Variants in BACH1 observed in about 807,000 individuals in gnomAD.
The protein encoded by BACH1 is BTB domain and CNC homolog 1.
Under a neutral mutation model 52.9 loss-of-function variants are expected in BACH1, and 35 were observed. The observed-to-expected ratio is 0.66, with a 90% CI of 0.51 to 0.88. The LOEUF is 0.88. BACH1 is among the 40% of genes least tolerant of loss of function. The pLI is 0.00. For synonymous variants in BACH1, 321 were observed against 319.6 expected, an observed-to-expected ratio of 1.00 and a Z score of -0.05; for missense variants, 808 against 872.6, an observed-to-expected ratio of 0.93 and a Z score of 0.93.
At chr21:29,300,302 T>C (rs1024041400) in intron 1 of BACH1, 5 of 152,230 alleles carry the variant, frequency 3.3e-5, no homozygotes, top group African/African-American at 4.8e-5. Flanking sequence ...GATGACTCTC[T>C]AAAAAGTTGG....
At chr21:29,316,968 G>A (rs929778424) in intron 1 of BACH1, among the ~76,000 whole-genome samples, 1 of 152,204 alleles carries the variant, frequency 6.6e-6, no homozygotes. Flanking sequence ...GTGTTTGGAA[G>A]AAGATCTAGA....
rs779724096 is a variant in BACH1, at chr21:29,327,119, G to A, written c.1295G>A (p.Arg432Gln). ...KDGSEQISQK[R>Q]SECPWLGIRI... ...GGCTCAGAACAGATCTCACAGAAACGGTCTGAGTGTCCGTGGTTAGGTATC... is the reference window on the plus strand; with the variant it reads ...GGCTCAGAACAGATCTCACAGAAACAGTCTGAGTGTCCGTGGTTAGGTATC... Residue 432 changes from arginine to glutamine, a missense_variant, in exon 3 of 5, where the codon CGG (arginine) becomes CAG (glutamine). Coordinates refer to ENST00000286800, the MANE Select transcript of BACH1 (RefSeq NM_001186.4). 6.2e-6 allele frequency: 10 copies of A among 1,614,094 alleles called. No homozygotes were observed. The highest frequency in any genetic ancestry group is 2.2e-5 in the South Asian group (2 of 91,084).
chr21:29,327,783 T>C (rs1045758430), intron 3 of BACH1, among the ~76,000 whole-genome samples: 2 of 152,174 alleles, frequency 1.3e-5, no homozygotes, highest in East Asian at 1.9e-4. Flanking sequence ...TTTGCACCAC[T>C]GCACTCCAGC....
chr21:29,321,193 A>G (rs928011753), intron 1 of BACH1, 28 bp from the exon 2 acceptor site: 3 of 1,101,560 alleles, frequency 2.7e-6, no homozygotes, highest in Non-Finnish European at 4.1e-6. Context: ...GATGTTATTT[A>G]AGTGAAATCT....
At chr21:29,358,770 A>AAAGAAAGAAAGAAAGAAAG (rs768723075) in intron 2 of BACH1, among the ~76,000 whole-genome samples, 1 of 108,890 alleles carries the variant, frequency 9.2e-6, no homozygotes, top group African/African-American at 3.3e-5. Context: ...AAAAGAAAAG[A>AAAGAAAGAAAGAAAGAAAG]AAAGAAAGAA....
At chr21:29,336,124 A>T (rs1162728749) in intron 4 of BACH1, among the ~76,000 whole-genome samples, 1 of 152,178 alleles carries the variant, frequency 6.6e-6, no homozygotes, top group East Asian at 1.9e-4. Context: ...GCATTTGATT[A>T]AACCTGTTTA....
Position 29,342,630 on chromosome 21 carries a change from T to C in BACH1, c.2008T>C (p.Phe670Leu). Residue 670 changes from phenylalanine to leucine, a missense_variant, in exon 5 of 5, where the codon TTC (phenylalanine) becomes CTC (leucine). Phe to Leu is a conservative substitution (Grantham distance 22, BLOSUM62 0). Coordinates refer to ENST00000286800, the MANE Select transcript of BACH1 (RefSeq NM_001186.4). Reference sequence around the variant, plus strand: ...TGGTGAACTGGCGTTACCATCAATTTTCAGTTTATCTGACCGGCCTCCAGC... The same window carrying C: ...TGGTGAACTGGCGTTACCATCAATTCTCAGTTTATCTGACCGGCCTCCAGC... ...PDGELALPSIFSLSDRPPAVL... is the reference protein window; with the variant it reads ...PDGELALPSILSLSDRPPAVL... 6.2e-7 allele frequency: 1 copy of C among 1,614,168 alleles called. No individual in the cohort carries two copies. The highest frequency in any genetic ancestry group is 8.5e-7 in the Non-Finnish European group (1 of 1,180,028).
At chr21:29,305,876 A>G (rs772379038) in intron 1 of BACH1, among the ~76,000 whole-genome samples, 7 of 152,230 alleles carry the variant, frequency 4.6e-5, no homozygotes, top group Non-Finnish European at 8.8e-5. Context: ...AGGCTTTTAT[A>G]AGCCAGGAAC....
chr21:29,324,472 A>C (rs1294387568), intron 2 of BACH1, among the ~76,000 whole-genome samples: 1 of 151,532 alleles, frequency 6.6e-6, no homozygotes, highest in East Asian at 1.9e-4. Flanking sequence ...ATGTTGTTTG[A>C]CTTAGCTGAG....
At chr21:29,341,017 G>A (rs751370843) in intron 4 of BACH1, among the ~76,000 whole-genome samples, 17 of 149,784 alleles carry the variant, frequency 1.1e-4, no homozygotes, top group Non-Finnish European at 1.6e-4. Flanking sequence ...TGAACAGATT[G>A]GAGAATACTT....
At chr21:29,307,887 G>A (rs1387815115) in intron 1 of BACH1, among the ~76,000 whole-genome samples, 3 of 152,204 alleles carry the variant, frequency 2.0e-5, no homozygotes, top group Non-Finnish European at 1.5e-5. Context: ...AAACACTTGA[G>A]TGTTGTAAAT....
chr21:29,328,043 C>G (rs538174332), intron 3 of BACH1, among the ~76,000 whole-genome samples: 97 of 152,306 alleles, frequency 6.4e-4, no homozygotes, highest in African/African-American at 2.3e-3. Flanking sequence ...TGGAAAAATG[C>G]AGCATATATT....
chr21:29,316,584 A>G (rs1445580871), intron 1 of BACH1, among the ~76,000 whole-genome samples: 1 of 152,212 alleles, frequency 6.6e-6, no homozygotes. Context: ...GATGGATGTT[A>G]GAGGACATGA....
At chr21:29,304,708 G>A (rs766489662) in intron 1 of BACH1, among the ~76,000 whole-genome samples, 91 of 152,012 alleles carry the variant, frequency 6.0e-4, no homozygotes, top group Non-Finnish European at 1.2e-3. Flanking sequence ...TCTGCCTCCA[G>A]GACCCTAGGG....
At chr21:29,322,938 C>G in intron 2 of BACH1, among the ~76,000 whole-genome samples, 1 of 152,150 alleles carries the variant, frequency 6.6e-6, no homozygotes, top group Admixed American at 6.5e-5. Context: ...TTGAATGAGA[C>G]TTTACAAGTA....
At chr21:29,323,656 GAC>G (rs2123440760) in intron 2 of BACH1, among the ~76,000 whole-genome samples, 1 of 152,154 alleles carries the variant, frequency 6.6e-6, no homozygotes, top group Admixed American at 6.5e-5. Flanking sequence ...CGCCCTCACT[GAC>G]ACACCCAGAA....
At chr21:29,322,749 C>T (rs541543718) in intron 2 of BACH1, among the ~76,000 whole-genome samples, 1 of 152,302 alleles carries the variant, frequency 6.6e-6, no homozygotes, top group African/African-American at 2.4e-5. Flanking sequence ...TTCTGTGAAA[C>T]TGCAGCTACG....
At chr21:29,352,546 T>C (rs527393950) in intron 2 of BACH1, 1 of 152,276 alleles carries the variant, frequency 6.6e-6, no homozygotes, top group Admixed American at 6.5e-5. Context: ...TTCACCGCAT[T>C]GAATGCCTTC....
Position 29,321,479 on chromosome 21 carries a change from G to GCTGATGGAGAGCTGAACATTA in BACH1, c.202_222dup (p.Asp68_Thr74dup), listed in dbSNP as rs2088847540. Reference sequence around the variant, plus strand: ...CTTCCACTCAAGAATCGTAGGCCAGGCTGATGGAGAGCTGAACATTACTCT... The same window carrying GCTGATGGAGAGCTGAACATTA: ...CTTCCACTCAAGAATCGTAGGCCAGGCTGATGGAGAGCTGAACATTACTGATGGAGAGCTGAACATTACTCT... On this transcript the variant is annotated inframe_insertion, in exon 2 of 5. Coordinates refer to ENST00000286800, the MANE Select transcript of BACH1 (RefSeq NM_001186.4). The GCTGATGGAGAGCTGAACATTA allele has an allele frequency of 2.5e-6, 4 of 1,614,068 alleles. No homozygotes were observed. Among genetic ancestry groups the GCTGATGGAGAGCTGAACATTA allele is most frequent in the Non-Finnish European group, 3.4e-6 (4 of 1,180,028 alleles).
Sources: allele counts gnomAD v4.1 joint callset (sites outside exome capture counted in the v4.1 genomes callset), GRCh38; gene constraint gnomAD v4.1.1; transcripts MANE v1.5; gene names NCBI Gene and HGNC (gene_info 2026-07-23, HGNC 2026-07-21).